COMMD1: variants seen among roughly 807,000 people sequenced by gnomAD.
COMMD1 encodes the protein copper metabolism domain containing 1.
COMMD1 carries 10 observed loss-of-function variants against 17.2 expected under a neutral mutation model. The ratio of observed to expected loss-of-function variants is 0.58; its 90% CI spans 0.36 to 0.99. COMMD1 has a LOEUF of 0.99. Ranked by LOEUF, COMMD1 falls within the 50% of genes least tolerant of loss-of-function variation. COMMD1 has a pLI of 0.01. For missense variants in COMMD1, 270 were observed against 231.8 expected (o/e 1.17, Z -1.07); for synonymous variants, 97 against 91.6 (o/e 1.06, Z -0.34).
intron 2 of COMMD1, among the ~76,000 whole-genome samples, chr2:62,095,130 G>A (rs1473897789): frequency 6.6e-6 from 1 of 152,150 alleles, no homozygotes; most frequent in Non-Finnish European, 1.5e-5. Flanking sequence ...TGGTAATGAA[G>A]ACACCTGCAT....
At chr2:61,973,206 G>T (rs970495145) in intron 1 of COMMD1, among the ~76,000 whole-genome samples, 1 of 152,068 alleles carries the variant, frequency 6.6e-6, no homozygotes, top group South Asian at 2.1e-4. Context: ...CAACATTGCT[G>T]CAATAACCAT....
intron 2 of COMMD1, among the ~76,000 whole-genome samples, chr2:62,101,098 A>T (rs1473467842): frequency 4.2e-3 from 5 of 1,198 alleles, no homozygotes; most frequent in Admixed American, 0.028. Flanking sequence ...GGCAAGATTT[A>T]AAAAAAAAAA....
chr2:62,104,567 G>C (rs1350798243), intron 2 of COMMD1, among the ~76,000 whole-genome samples: 1 of 146,776 alleles, frequency 6.8e-6, no homozygotes, highest in East Asian at 2.1e-4. Context: ...CCAGGAGGCA[G>C]AGGCAGCAGT....
At chr2:62,102,983 T>TC (rs1672227149) in intron 2 of COMMD1, among the ~76,000 whole-genome samples, 2 of 150,084 alleles carry the variant, frequency 1.3e-5, no homozygotes, top group African/African-American at 4.8e-5. Flanking sequence ...TTTCTTTCTT[T>TC]TTTTTTTTTT....
chr2:61,932,904 C>G (rs1558526206), intron 1 of COMMD1, among the ~76,000 whole-genome samples: 1 of 152,202 alleles, frequency 6.6e-6, no homozygotes. Flanking sequence ...CAGGGATGAC[C>G]AAGTGCCAAC....
At chr2:61,994,377 G>C (rs993972978) in intron 1 of COMMD1, among the ~76,000 whole-genome samples, 2 of 152,198 alleles carry the variant, frequency 1.3e-5, no homozygotes, top group South Asian at 4.1e-4. Context: ...GAATTGTAAT[G>C]TGAAATATCT....
At chr2:61,989,241 G>A (rs1219966800) in intron 1 of COMMD1, among the ~76,000 whole-genome samples, 1 of 152,110 alleles carries the variant, frequency 6.6e-6, no homozygotes, top group African/African-American at 2.4e-5. Flanking sequence ...ATGGTAATTT[G>A]TTAAACAATG....
intron 2 of COMMD1, among the ~76,000 whole-genome samples, chr2:62,119,876 T>C (rs1434466566): frequency 6.6e-6 from 1 of 152,262 alleles, no homozygotes; most frequent in East Asian, 1.9e-4. Context: ...TCTTAATCTG[T>C]AGATTATCAT....
chr2:61,979,425 C>T (rs535872954), intron 1 of COMMD1, among the ~76,000 whole-genome samples: 7 of 152,042 alleles, frequency 4.6e-5, no homozygotes, highest in South Asian at 4.2e-4. Context: ...TGCAGTGAGC[C>T]GAGATCACGC....
At chr2:62,041,652 A>G (rs1237599902) in intron 2 of COMMD1, among the ~76,000 whole-genome samples, 1 of 152,150 alleles carries the variant, frequency 6.6e-6, no homozygotes, top group Non-Finnish European at 1.5e-5. Flanking sequence ...GTCCTCCCAA[A>G]GTGCTAGTGT....
At chr2:62,017,813 C>T (rs1669494905) in intron 2 of COMMD1, among the ~76,000 whole-genome samples, 2 of 151,968 alleles carry the variant, frequency 1.3e-5, no homozygotes, top group Admixed American at 6.6e-5. Context: ...CAAGGCAGAA[C>T]GATTGTTTGA....
At chr2:61,952,866 A>G (rs1671095083) in intron 1 of COMMD1, among the ~76,000 whole-genome samples, 1 of 152,236 alleles carries the variant, frequency 6.6e-6, no homozygotes, top group Non-Finnish European at 1.5e-5. Context: ...ATGGTTGAAC[A>G]TAATGGAAAG....
At chr2:61,902,421 G>A (rs546379035), upstream of COMMD1, among the ~76,000 whole-genome samples, 4 of 151,950 alleles carry the variant, frequency 2.6e-5, no homozygotes, top group South Asian at 6.2e-4. Context: ...CAGGAGAATC[G>A]TTTGAACCCG....
intron 2 of COMMD1, among the ~76,000 whole-genome samples, chr2:62,116,996 CAA>C (rs11350513): frequency 0.021 from 2,081 of 100,838 alleles, 31 homozygotes; most frequent in African/African-American, 0.041. Context: ...AACTTCGTCT[CAA>C]AAAAAAAAAA....
intron 1 of COMMD1, among the ~76,000 whole-genome samples, chr2:61,929,033 A>G (rs927298762): frequency 8.5e-5 from 13 of 152,258 alleles, no homozygotes; most frequent in Non-Finnish European, 1.8e-4. Flanking sequence ...TAAGCTGCTT[A>G]GGAGCGGAGT....
chr2:62,098,561 C>G (rs545926510), intron 2 of COMMD1, among the ~76,000 whole-genome samples: 1 of 152,278 alleles, frequency 6.6e-6, no homozygotes, highest in East Asian at 1.9e-4. Context: ...TGCATAAACC[C>G]AGAATTTAGT....
chr2:62,084,736 G>A (rs957951902), intron 2 of COMMD1: 7 of 152,150 alleles, frequency 4.6e-5, no homozygotes, highest in African/African-American at 1.7e-4. Context: ...TCTAGTCTTA[G>A]TAGTATTCTT....
rs1169380403 is a variant in COMMD1 at position 61,889,609 on chromosome 2, G to A, written n.119+767G>A. Among the ~76,000 whole-genome samples, 3 of 152,062 alleles carry A rather than the reference G, an allele frequency of 2.0e-5. No homozygotes were observed. In the East Asian group the frequency reaches 5.8e-4, roughly 29 times the overall value. On this transcript the variant is annotated intron_variant and non_coding_transcript_variant, in intron 1 of 2. Transcript: ENST00000472729. ...ATATGACTGAGTCTGTTTTTGCCCG[G>A]CCACATAGACCTGCATTTTATGCAG...
chr2:61,972,653 T>G (rs1488936949), intron 1 of COMMD1, among the ~76,000 whole-genome samples: 2 of 152,144 alleles, frequency 1.3e-5, no homozygotes, highest in African/African-American at 4.8e-5. Flanking sequence ...CCAAAACACA[T>G]AACCTTTGTC....
Sources: gnomAD v4.1 joint callset for allele counts (sites outside exome capture counted in the v4.1 genomes callset) on GRCh38, gnomAD v4.1.1 for gene constraint, MANE v1.5 for transcripts, NCBI Gene and HGNC (gene_info 2026-07-23, HGNC 2026-07-21) for gene names.